Variants in MAMLD1 observed in about 807,000 individuals in gnomAD.
MAMLD1 encodes mastermind like domain containing 1, also known as mastermind-like domain-containing protein 1.
In MAMLD1, 14 loss-of-function variants were observed where a neutral mutation model predicts 45.0. That is an observed-to-expected ratio of 0.31 (90% CI 0.21 to 0.49). The LOEUF is 0.49. MAMLD1 is among the 20% of genes least tolerant of loss of function. MAMLD1 has a pLI of 0.99. For synonymous variants in MAMLD1, 254 were observed against 247.8 expected, an observed-to-expected ratio of 1.02 and a Z score of -0.24; for missense variants, 543 against 603.6, an observed-to-expected ratio of 0.90 and a Z score of 1.05.
At chrX:150,384,964 C>T (rs967286852) in intron 1 of MAMLD1, among the ~76,000 whole-genome samples, 1 of 110,733 alleles carries the variant, frequency 9.0e-6, no homozygotes. Flanking sequence ...GCCCTCTTAG[C>T]AAGTTTCAAG....
chrX:150,365,343 G>A (rs2031339445), intron 1 of MAMLD1, among the ~76,000 whole-genome samples: 1 of 112,150 alleles, frequency 8.9e-6, no homozygotes, highest in Non-Finnish European at 1.9e-5. Context: ...CCTCAGCCCC[G>A]GCCCTCGCTG....
At chrX:150,395,977 CTT>C (rs1337104374) in intron 1 of MAMLD1, among the ~76,000 whole-genome samples, 1 of 102,612 alleles carries the variant, frequency 9.7e-6, no homozygotes, top group Non-Finnish European at 2.0e-5. Context: ...GTTTAATGTG[CTT>C]TTTTTTTTCT....
chrX:150,485,777 A>G (rs782752468), intron 5 of MAMLD1, among the ~76,000 whole-genome samples: 1 of 112,222 alleles, frequency 8.9e-6, no homozygotes, highest in East Asian at 2.8e-4. Flanking sequence ...ATCCATACTG[A>G]ATGTATTTGC....
chrX:150,473,915 C>A, intron 5 of MAMLD1, 113 bp downstream of exon 5: 1 of 820,919 alleles, frequency 1.2e-6, no homozygotes. Context: ...TTATTGGGGT[C>A]ATGCAAATCA....
intron 6 of MAMLD1, among the ~76,000 whole-genome samples, chrX:150,505,549 G>T (rs1272839794): frequency 1.8e-5 from 2 of 111,824 alleles, no homozygotes; most frequent in African/African-American, 6.5e-5. Flanking sequence ...GGGAAGGTAG[G>T]TTCAGGGGCC....
chrX:150,406,756 G>A (rs936566778), intron 1 of MAMLD1, among the ~76,000 whole-genome samples: 1 of 111,735 alleles, frequency 8.9e-6, no homozygotes, highest in Admixed American at 9.5e-5. Context: ...GGATGAGACA[G>A]TACCCCTAGA....
rs5969863 is a variant in MAMLD1, at chrX:150,471,301, G to A, written c.1728G>A (p.Pro576=). ...CCCTGCTCCACTACCTGCAGCAGCCGACACCAACGCAGGCCTCCTCAGCCA... is the reference window on the plus strand; with the variant it reads ...CCCTGCTCCACTACCTGCAGCAGCCAACACCAACGCAGGCCTCCTCAGCCA... ...QPSLLHYLQQ[P]TPTQASSATA... Residue 576 remains proline (P), a synonymous_variant, in exon 4 of 8, where the codon CCG becomes CCA. Transcript: ENST00000370401. The A allele has an allele frequency of 2.1e-4, 250 of 1,208,891 alleles. 1 individual carries two copies. The African/African-American group carries it at 3.7e-3, about 18-fold the overall frequency.
chrX:150,507,314 C>T (rs2148364187), intron 6 of MAMLD1, among the ~76,000 whole-genome samples: 1 of 112,681 alleles, frequency 8.9e-6, no homozygotes, highest in South Asian at 3.7e-4. Context: ...TCCAACGATT[C>T]TAATTGTCAG....
At chrX:150,373,625 C>G (rs1363909496) in intron 1 of MAMLD1, among the ~76,000 whole-genome samples, 2 of 111,761 alleles carry the variant, frequency 1.8e-5, no homozygotes, top group Non-Finnish European at 3.8e-5. Flanking sequence ...TCAGCCATGC[C>G]TTTGGCTGCC....
intron 2 of MAMLD1, among the ~76,000 whole-genome samples, chrX:150,452,758 C>G (rs1171940258): frequency 1.3e-5 from 1 of 78,685 alleles, no homozygotes; most frequent in Admixed American, 1.5e-4. Flanking sequence ...CCCCCTCCCC[C>G]CACCCCACAA....
chrX:150,481,666 C>CA (rs1444598052), intron 5 of MAMLD1, among the ~76,000 whole-genome samples: 1 of 108,177 alleles, frequency 9.2e-6, no homozygotes, highest in Non-Finnish European at 1.9e-5. Flanking sequence ...CCCACCTTTA[C>CA]AAAAAATTAC....
At chrX:150,482,013 A>AAAGG (rs2036822890) in intron 5 of MAMLD1, among the ~76,000 whole-genome samples, 2 of 108,153 alleles carry the variant, frequency 1.8e-5, no homozygotes, top group Non-Finnish European at 3.8e-5. Context: ...AGAAAGAAAG[A>AAAGG]AAGAAAGAAA....
At chrX:150,431,661 T>A (rs782340743) in intron 1 of MAMLD1, among the ~76,000 whole-genome samples, 5 of 111,141 alleles carry the variant, frequency 4.5e-5, no homozygotes, top group African/African-American at 1.3e-4. Flanking sequence ...AGTGAGAACA[T>A]GCAGTTTGTG....
At chrX:150,432,202 T>G (rs1400411497) in intron 1 of MAMLD1, among the ~76,000 whole-genome samples, 2 of 111,923 alleles carry the variant, frequency 1.8e-5, no homozygotes, top group African/African-American at 6.5e-5. Context: ...TCTCATATGC[T>G]TGTTTGCCAC....
chrX:150,512,165 T>C lies in MAMLD1; in HGVS notation c.*206T>C, dbSNP rs2037920151. On this transcript the variant is annotated 3_prime_UTR_variant, in exon 8 of 8. Coordinates refer to ENST00000370401, the MANE Select transcript of MAMLD1 (RefSeq NM_005491.5). Reference sequence around the variant, plus strand: ...GAGCTGCGAGGGCATGGGAGTGATCTCACCAACTCTGGGGAAGCGGCAAGG... The same window carrying C: ...GAGCTGCGAGGGCATGGGAGTGATCCCACCAACTCTGGGGAAGCGGCAAGG... 4 of 1,143,593 alleles carry C rather than the reference T, an allele frequency of 3.5e-6. No individual in the cohort carries two copies. Among genetic ancestry groups the C allele is most frequent in the Non-Finnish European group, 4.6e-6 (4 of 866,863 alleles). 94.2% of individuals were successfully genotyped at this position (1,143,593 alleles called of 1,213,427 possible).
rs781904160 is a variant in MAMLD1, at chrX:150,394,129, C to CTTTTTTTTTTTTTTTTT, written c.-64+30608_-64+30624dup. Among the ~76,000 whole-genome samples, 34 of 12,263 alleles carry CTTTTTTTTTTTTTTTTT rather than the reference C, an allele frequency of 2.8e-3. 4 individuals carry two copies. The highest frequency in any genetic ancestry group is 4.7e-3 in the African/African-American group (13 of 2,775). The allele number at this position is 12,263 out of a possible 115,157, so 10.6% of individuals were successfully genotyped here. A position where few individuals can be genotyped will look rare whatever the true frequency, so the allele number is the denominator to read the frequency against. On this transcript the variant is annotated intron_variant, in intron 1 of 7. Coordinates refer to ENST00000370401, the MANE Select transcript of MAMLD1 (RefSeq NM_005491.5). ...GGGGTGTAAGGTCTATATCTACATC[C>CTTTTTTTTTTTTTTTTT]TTTTTTTTTTTTTTTTTTTTTTTTT...
At chrX:150,368,774 A>G (rs1448087007) in intron 1 of MAMLD1, among the ~76,000 whole-genome samples, 1 of 112,296 alleles carries the variant, frequency 8.9e-6, no homozygotes, top group Non-Finnish European at 1.9e-5. Flanking sequence ...TCAGCTTTCT[A>G]CATATGGCTA....
chrX:150,495,550 G>A (rs1272056621), intron 5 of MAMLD1, among the ~76,000 whole-genome samples: 1 of 112,720 alleles, frequency 8.9e-6, no homozygotes, highest in Non-Finnish European at 1.9e-5. Flanking sequence ...GAACATCCCT[G>A]TGGGGTGAAG....
At chrX:150,475,725 G>A (rs1393540562) in intron 5 of MAMLD1, among the ~76,000 whole-genome samples, 1 of 111,815 alleles carries the variant, frequency 8.9e-6, no homozygotes, top group African/African-American at 3.3e-5. Context: ...CTGAGCCTCA[G>A]CTGAAAATGG....
Sources: allele counts gnomAD v4.1 joint callset (sites outside exome capture counted in the v4.1 genomes callset), GRCh38; gene constraint gnomAD v4.1.1; transcripts MANE v1.5; gene names NCBI Gene and HGNC (gene_info 2026-07-23, HGNC 2026-07-21).